The following NEGR1 variants were observed in gnomAD, a reference collection of about 807,000 sequenced individuals.
NEGR1 encodes neuronal growth regulator 1, also known as IgLON family member 4.
In NEGR1, 10 loss-of-function variants were observed where a neutral mutation model predicts 40.9. The observed-to-expected ratio is 0.24, with a 90% CI of 0.15 to 0.42. NEGR1 has a LOEUF of 0.42. NEGR1 is among the 10% of genes least tolerant of loss of function. The pLI is 1.00. For synonymous variants in NEGR1, 185 were observed against 166.8 expected, an observed-to-expected ratio of 1.11 and a Z score of -0.84; for missense variants, 352 against 438.9, an observed-to-expected ratio of 0.80 and a Z score of 1.77.
intron 1 of NEGR1, among the ~76,000 whole-genome samples, chr1:71,967,253 C>T (rs749446008): frequency 2.0e-5 from 3 of 152,120 alleles, no homozygotes; most frequent in Non-Finnish European, 4.4e-5. Context: ...AATGCCACAA[C>T]TCTGTAATAA....
At chr1:71,571,704 G>A (rs1435453250) in intron 6 of NEGR1, among the ~76,000 whole-genome samples, 1 of 147,454 alleles carries the variant, frequency 6.8e-6, no homozygotes, top group Non-Finnish European at 1.5e-5. Context: ...GAGGTGGGAA[G>A]ATGGCTTAAG....
intron 4 of NEGR1, among the ~76,000 whole-genome samples, chr1:71,680,554 A>G (rs1453324038): frequency 1.3e-5 from 2 of 152,064 alleles, no homozygotes; most frequent in African/African-American, 4.8e-5. Context: ...TTCTATTTTT[A>G]ATATTAAAAG....
chr1:71,637,922 G>T (rs1291068084), intron 4 of NEGR1, among the ~76,000 whole-genome samples: 2 of 151,928 alleles, frequency 1.3e-5, no homozygotes, highest in Admixed American at 6.6e-5. Flanking sequence ...TATACTATTT[G>T]CCAAAACAGC....
intron 1 of NEGR1, among the ~76,000 whole-genome samples, chr1:71,985,509 T>C (rs181440177): frequency 5.3e-5 from 8 of 152,270 alleles, no homozygotes; most frequent in Admixed American, 3.3e-4. Flanking sequence ...AATCCCTCAA[T>C]TGGGATTTGA....
intron 2 of NEGR1, among the ~76,000 whole-genome samples, chr1:71,872,673 T>A (rs72931747): frequency 0.018 from 2,693 of 152,294 alleles, 90 homozygotes; most frequent in African/African-American, 0.061. Context: ...TAACAGTGTC[T>A]TAAGACCACC....
At chr1:71,633,890 C>G (rs878925757) in intron 4 of NEGR1, among the ~76,000 whole-genome samples, 30 of 152,036 alleles carry the variant, frequency 2.0e-4, no homozygotes, top group African/African-American at 5.6e-4. Flanking sequence ...CCAGTTGTGT[C>G]TATGACTGGA....
At chr1:72,107,354 T>C (rs1249805825) in intron 1 of NEGR1, among the ~76,000 whole-genome samples, 2 of 151,578 alleles carry the variant, frequency 1.3e-5, no homozygotes, top group Admixed American at 6.6e-5. Flanking sequence ...AAACATTGTA[T>C]TGAACAACAT....
rs1557442837 is a variant in NEGR1, at chr1:71,935,143, T to C, written c.345A>G (p.Pro115=). 2.5e-6 allele frequency: 4 copies of C among 1,613,898 alleles called. No individual in the cohort carries two copies. Among genetic ancestry groups the C allele is most frequent in the Non-Finnish European group, 3.4e-6 (4 of 1,179,828 alleles). The change falls in exon 2 of 7, where the codon CCA becomes CCG. Residue 115 remains proline, a synonymous_variant. Transcript: ENST00000357731. ...IQNVDVTDDG[P]YTCSVQTQHT... Reference sequence around the variant, plus strand: ...GTTGAGTCTGAACAGAACACGTGTATGGGCCATCATCTGTCACATCTACAT... The same window carrying C: ...GTTGAGTCTGAACAGAACACGTGTACGGGCCATCATCTGTCACATCTACAT...
intron 1 of NEGR1, among the ~76,000 whole-genome samples, chr1:72,079,825 A>C (rs1647910780): frequency 6.6e-6 from 1 of 152,104 alleles, no homozygotes; most frequent in African/African-American, 2.4e-5. Flanking sequence ...TCAAGTGAAA[A>C]ATGTTTTACT....
chr1:71,632,255 ATAT>A (rs1650992507), intron 4 of NEGR1, among the ~76,000 whole-genome samples: 1 of 151,552 alleles, frequency 6.6e-6, no homozygotes, highest in Non-Finnish European at 1.5e-5. Flanking sequence ...ATGCACGTAC[ATAT>A]TATACATTTA....
chr1:71,429,546 A>T (rs969245090), intron 6 of NEGR1, among the ~76,000 whole-genome samples: 4 of 152,150 alleles, frequency 2.6e-5, no homozygotes, highest in Non-Finnish European at 4.4e-5. Context: ...GGCTTTCTCC[A>T]TCTGTTAGGT....
intron 6 of NEGR1, among the ~76,000 whole-genome samples, chr1:71,492,191 A>G (rs1294214980): frequency 6.6e-6 from 1 of 152,092 alleles, no homozygotes; most frequent in African/African-American, 2.4e-5. Context: ...ATGGACTAAG[A>G]GATTGGGCAA....
intron 2 of NEGR1, among the ~76,000 whole-genome samples, chr1:71,800,308 T>G (rs1657508735): frequency 6.6e-6 from 1 of 152,222 alleles, no homozygotes; most frequent in South Asian, 2.1e-4. Flanking sequence ...GTCTGTTCAC[T>G]CTCATGATAG....
At chr1:72,007,522 T>G (rs946186842) in intron 1 of NEGR1, among the ~76,000 whole-genome samples, 2 of 152,144 alleles carry the variant, frequency 1.3e-5, no homozygotes, top group Non-Finnish European at 2.9e-5. Context: ...CTGACTTTTC[T>G]CCGCCACTGC....
intron 1 of NEGR1, among the ~76,000 whole-genome samples, chr1:72,002,291 T>C (rs938809233): frequency 1.3e-5 from 2 of 152,098 alleles, no homozygotes; most frequent in African/African-American, 4.8e-5. Flanking sequence ...GAATGTTTCA[T>C]AGGTGTGAGA....
intron 3 of NEGR1, among the ~76,000 whole-genome samples, chr1:71,754,920 C>T (rs1655683103): frequency 1.3e-5 from 2 of 152,116 alleles, no homozygotes; most frequent in African/African-American, 4.8e-5. Flanking sequence ...AGATACTGGC[C>T]TTGGGCTCTC....
intron 2 of NEGR1, among the ~76,000 whole-genome samples, chr1:71,863,479 A>T (rs1403963921): frequency 6.6e-6 from 1 of 152,160 alleles, no homozygotes; most frequent in Non-Finnish European, 1.5e-5. Flanking sequence ...ATCAGGAAGA[A>T]TAGCTAATGG....
At chr1:71,658,716 G>T (rs370723947) in intron 4 of NEGR1, among the ~76,000 whole-genome samples, 1 of 152,254 alleles carries the variant, frequency 6.6e-6, no homozygotes, top group African/African-American at 2.4e-5. Context: ...GTTTCTGAAA[G>T]TATATACCCT....
At chr1:71,513,847 G>A (rs959932607) in intron 6 of NEGR1, among the ~76,000 whole-genome samples, 19 of 150,256 alleles carry the variant, frequency 1.3e-4, no homozygotes, top group Admixed American at 1.1e-3. Flanking sequence ...CAGACAGTGT[G>A]CGCAGGCCAG....
Sources: allele counts gnomAD v4.1 joint callset (sites outside exome capture counted in the v4.1 genomes callset), GRCh38; gene constraint gnomAD v4.1.1; transcripts MANE v1.5; gene names NCBI Gene and HGNC (gene_info 2026-07-23, HGNC 2026-07-21).